Variants in SERPINI2 observed in about 807,000 individuals in gnomAD.
SERPINI2 encodes serpin I2.
Under a neutral mutation model 47.3 loss-of-function variants are expected in SERPINI2, and 48 were observed. The observed-to-expected ratio is 1.02, with a 90% CI of 0.81 to 1.29. The LOEUF (loss-of-function observed/expected upper bound fraction) is 1.29. Ranked by LOEUF, SERPINI2 falls within the 50% of genes most tolerant of loss-of-function variation. SERPINI2 has a pLI of 0.00. For missense variants in SERPINI2, 448 were observed against 456.9 expected (o/e 0.98, Z 0.18); for synonymous variants, 135 against 149.3 (o/e 0.90, Z 0.70).
chr3:167,470,376 T>C (rs1694039244), intron 2 of SERPINI2, among the ~76,000 whole-genome samples: 1 of 152,232 alleles, frequency 6.6e-6, no homozygotes, highest in South Asian at 2.1e-4. Context: ...AGCAAATTTC[T>C]AAATACTGCT....
At chr3:167,467,156 C>G (rs1750158552) in exon 3 of SERPINI2, 1 of 1,613,244 alleles carries the variant, frequency 6.2e-7, no homozygotes, top group African/African-American at 1.3e-5. Context: ...TTCCTTGTTG[C>G]CATGGAGATA....
rs372555064 is a variant in SERPINI2, at chr3:167,470,526, G to C, written c.247+1062C>G. Reference sequence around the variant, plus strand: ...ACAACTATAGAAACTGAGAGCATGAGATAGCTGAGGAGATGAGCAACAACT... The same window carrying C: ...ACAACTATAGAAACTGAGAGCATGACATAGCTGAGGAGATGAGCAACAACT... On this transcript the variant is annotated intron_variant, in intron 2 of 8. Coordinates refer to ENST00000264677, the Ensembl canonical transcript of SERPINI2. Among the ~76,000 whole-genome samples the C allele has an allele frequency of 2.8e-5, 4 of 142,086 alleles. No individual in the cohort carries two copies. The East Asian group carries it at 8.5e-4, about 30-fold the overall frequency. The allele number at this position is 142,086 out of a possible 152,430, so 93.2% of individuals were successfully genotyped here. A position where few individuals can be genotyped will look rare whatever the true frequency, so the allele number is the denominator to read the frequency against.
At chr3:167,444,673 G>A (rs1240357111) in intron 8 of SERPINI2, among the ~76,000 whole-genome samples, 2 of 151,928 alleles carry the variant, frequency 1.3e-5, no homozygotes, top group Non-Finnish European at 1.5e-5. Flanking sequence ...ATAAATGAGC[G>A]GCCATTTATT....
At chr3:167,473,790 A>G (rs1219436533) in intron 1 of SERPINI2, 1 of 1,460,034 alleles carries the variant, frequency 6.8e-7, no homozygotes, top group East Asian at 2.6e-5. Context: ...ATGCTGAACT[A>G]AACAACCTGA....
intron 5 of SERPINI2, among the ~76,000 whole-genome samples, chr3:167,454,003 A>T (rs1055257533): frequency 6.6e-6 from 1 of 152,208 alleles, no homozygotes; most frequent in Non-Finnish European, 1.5e-5. Context: ...TTAAACAGGG[A>T]GCTATATATA....
At chr3:167,451,795 A>C (rs1749648402) in intron 6 of SERPINI2, among the ~76,000 whole-genome samples, 1 of 152,188 alleles carries the variant, frequency 6.6e-6, no homozygotes, top group African/African-American at 2.4e-5. Flanking sequence ...GCCAGAAAGA[A>C]GTTTAAGAAA....
intron 5 of SERPINI2, among the ~76,000 whole-genome samples, chr3:167,460,890 C>G (rs1376739685): frequency 1.3e-5 from 2 of 152,108 alleles, no homozygotes; most frequent in African/African-American, 2.4e-5. Flanking sequence ...TACCATGAAG[C>G]ATGCTAGGAA....
At position 167,442,151 on chromosome 3, in the gene SERPINI2, AG is replaced by A. The variant is rs1749345873; in HGVS notation, c.1175del (p.Pro392LeufsTer6). ...CTCTTCCTTTTATCTCCTGGGTGTC[AG>A]GATTTGTCACTCTTCCCATAAACAG... On this transcript the variant is annotated frameshift_variant, in exon 9 of 9. Coordinates refer to ENST00000264677, the Ensembl canonical transcript of SERPINI2. LOFTEE classifies it high-confidence loss of function. The A allele has an allele frequency of 6.2e-7, 1 of 1,602,082 alleles. No individual in the cohort carries two copies. The highest frequency in any genetic ancestry group is 1.1e-5 in the South Asian group (1 of 89,022).
chr3:167,468,742 T>G (rs1368007046), intron 2 of SERPINI2, among the ~76,000 whole-genome samples: 1 of 152,194 alleles, frequency 6.6e-6, no homozygotes, highest in Non-Finnish European at 1.5e-5. Flanking sequence ...ATTTCAGATG[T>G]AACCATTTAT....
At chr3:167,454,418 G>A (rs549410838) in intron 5 of SERPINI2, among the ~76,000 whole-genome samples, 1 of 152,248 alleles carries the variant, frequency 6.6e-6, no homozygotes, top group South Asian at 2.1e-4. Flanking sequence ...TATGCCAACT[G>A]CTTTCACCCT....
intron 1 of SERPINI2, among the ~76,000 whole-genome samples, chr3:167,472,442 G>C (rs1750358095): frequency 6.6e-6 from 1 of 151,762 alleles, no homozygotes; most frequent in African/African-American, 2.4e-5. Flanking sequence ...ATACAATGCA[G>C]AAAACCTGCA....
chr3:167,467,167 C>T (rs775852332), exon 3 of SERPINI2: 2 of 1,613,386 alleles, frequency 1.2e-6, no homozygotes, highest in East Asian at 2.2e-5. Flanking sequence ...CATGGAGATA[C>T]TGTTCTTTCA....
At chr3:167,461,349 T>C (rs1251160759) in intron 5 of SERPINI2, among the ~76,000 whole-genome samples, 1 of 152,192 alleles carries the variant, frequency 6.6e-6, no homozygotes, top group Non-Finnish European at 1.5e-5. Context: ...ACTGCCAAGT[T>C]TTTAAATATC....
chr3:167,459,370 G>A (rs916204103), intron 5 of SERPINI2, among the ~76,000 whole-genome samples: 49 of 152,044 alleles, frequency 3.2e-4, no homozygotes, highest in South Asian at 2.1e-4. Flanking sequence ...CACCGCGCCC[G>A]GCCCCAAAGG....
At chr3:167,459,996 A>G (rs921351788) in intron 5 of SERPINI2, among the ~76,000 whole-genome samples, 2 of 152,214 alleles carry the variant, frequency 1.3e-5, no homozygotes, top group Non-Finnish European at 2.9e-5. Flanking sequence ...TCCAGCCACT[A>G]TCGGAAGGTA....
chr3:167,454,144 G>A (rs934766561), intron 5 of SERPINI2, among the ~76,000 whole-genome samples: 1 of 152,184 alleles, frequency 6.6e-6, no homozygotes, highest in African/African-American at 2.4e-5. Context: ...CATTCAGCAG[G>A]TAGGCCCACA....
upstream of SERPINI2, among the ~76,000 whole-genome samples, chr3:167,474,603 T>C (rs1750438433): frequency 6.6e-6 from 1 of 151,684 alleles, no homozygotes; most frequent in South Asian, 2.1e-4. Context: ...TTCTTTATTC[T>C]GAGCAGAAAG....
intron 8 of SERPINI2, among the ~76,000 whole-genome samples, chr3:167,443,215 C>T (rs2108147565): frequency 6.6e-6 from 1 of 152,340 alleles, no homozygotes; most frequent in Middle Eastern, 3.4e-3. Flanking sequence ...TCACGCCATT[C>T]TCCTGCCTCA....
At chr3:167,455,493 G>C (rs1052786280) in intron 5 of SERPINI2, among the ~76,000 whole-genome samples, 4 of 150,890 alleles carry the variant, frequency 2.7e-5, no homozygotes, top group Admixed American at 2.6e-4. Flanking sequence ...TTCCCTCTGG[G>C]TTTGTGTTAT....
Sources: allele counts gnomAD v4.1 joint callset (sites outside exome capture counted in the v4.1 genomes callset), GRCh38; gene constraint gnomAD v4.1.1; transcripts MANE v1.5; gene names NCBI Gene and HGNC (gene_info 2026-07-23, HGNC 2026-07-21).